The following PRIM2 variants were observed in gnomAD, a reference collection of about 807,000 sequenced individuals.
The protein encoded by PRIM2 is DNA primase subunit 2.
A neutral mutation model predicts 67.3 loss-of-function variants in PRIM2; 39 were observed. The ratio of observed to expected loss-of-function variants is 0.58; its 90% confidence interval spans 0.45 to 0.76. The LOEUF is 0.76. PRIM2 is among the 30% of genes least tolerant of loss of function. The probability of loss-of-function intolerance (pLI) is 0.00; values close to 1 mark genes in which losing one functional copy is unlikely to be tolerated. For missense variants in PRIM2, 398 were observed against 598.7 expected, an observed-to-expected ratio of 0.66 and a Z score of 3.50; for synonymous variants, 143 against 198.7, an observed-to-expected ratio of 0.72 and a Z score of 2.36.
intron 5 of PRIM2, among the ~76,000 whole-genome samples, chr6:57,353,995 A>C (rs1768942719): frequency 6.6e-6 from 1 of 152,196 alleles, no homozygotes; most frequent in Non-Finnish European, 1.5e-5. Context: ...AAAAGTAATT[A>C]GTTAGCTTGG....
chr6:57,587,647 A>G (rs1484227961), intron 10 of PRIM2, among the ~76,000 whole-genome samples: 22 of 133,884 alleles, frequency 1.6e-4, no homozygotes, highest in African/African-American at 5.9e-4. Context: ...CTGGGCAACA[A>G]GAGTGAGACT....
the PRIM2 span, among the ~76,000 whole-genome samples, chr6:57,247,089 C>T: frequency 6.6e-6 from 1 of 152,254 alleles, no homozygotes; most frequent in Admixed American, 6.5e-5. Context: ...CTCCTGACCT[C>T]GTGATCCGCC....
At chr6:57,349,925 T>TA (rs1223250307) in intron 5 of PRIM2, among the ~76,000 whole-genome samples, 1 of 152,188 alleles carries the variant, frequency 6.6e-6, no homozygotes, top group Non-Finnish European at 1.5e-5. Flanking sequence ...AAACCTTCAA[T>TA]ATGACTTACT....
intron 13 of PRIM2, among the ~76,000 whole-genome samples, chr6:57,638,070 GC>G (rs1257753699): frequency 0.033 from 5,024 of 152,278 alleles, 276 homozygotes; most frequent in African/African-American, 0.11. Flanking sequence ...AACCCTACAA[GC>G]CAGAATAGAG....
At chr6:57,274,736 T>C in the PRIM2 span, among the ~76,000 whole-genome samples, 2 of 152,228 alleles carry the variant, frequency 1.3e-5, no homozygotes, top group African/African-American at 4.8e-5. Flanking sequence ...CGCTGGGAGC[T>C]GTAGACTGGA....
intron 8 of PRIM2, among the ~76,000 whole-genome samples, chr6:57,508,250 TGTTGTTGTTGTC>T (rs1774290234): frequency 6.6e-6 from 1 of 152,202 alleles, no homozygotes; most frequent in South Asian, 2.1e-4. Context: ...TCTGTGTTTT[TGTTGTTGTTGTC>T]GTTGTTGTTT....
intron 10 of PRIM2, among the ~76,000 whole-genome samples, chr6:57,549,759 C>A (rs1414043470): frequency 3.3e-5 from 5 of 152,044 alleles, no homozygotes; most frequent in African/African-American, 4.8e-5. Flanking sequence ...TTTGAATGTT[C>A]GTGTTAGTGA....
chr6:57,576,527 AATTCAGTTAC>A (rs1399198096), intron 10 of PRIM2, among the ~76,000 whole-genome samples: 4 of 152,178 alleles, frequency 2.6e-5, no homozygotes, highest in Admixed American at 2.6e-4. Flanking sequence ...TCAATAACTT[AATTCAGTTAC>A]ATTTGGTTAT....
intron 13 of PRIM2, among the ~76,000 whole-genome samples, chr6:57,642,117 AAACT>A (rs1350802293): frequency 6.6e-6 from 1 of 152,212 alleles, no homozygotes; most frequent in Non-Finnish European, 1.5e-5. Flanking sequence ...CATTCTCAGC[AAACT>A]AACACAAGAA....
the PRIM2 span, among the ~76,000 whole-genome samples, chr6:57,285,982 A>T: frequency 6.6e-6 from 1 of 152,224 alleles, no homozygotes; most frequent in Non-Finnish European, 1.5e-5. Flanking sequence ...CAAAGAGCCA[A>T]ATCATGAGTG....
chr6:57,271,430 T>A, the PRIM2 span, among the ~76,000 whole-genome samples: 1 of 152,250 alleles, frequency 6.6e-6, no homozygotes, highest in Non-Finnish European at 1.5e-5. Flanking sequence ...GTGTTTATAG[T>A]ATTCTCTGAT....
the PRIM2 span, among the ~76,000 whole-genome samples, chr6:57,274,392 T>C: frequency 6.6e-6 from 1 of 152,232 alleles, no homozygotes; most frequent in South Asian, 2.1e-4. Flanking sequence ...GTGCTAGCAA[T>C]GAGCAAGACT....
the PRIM2 span, among the ~76,000 whole-genome samples, chr6:57,306,268 A>T: frequency 6.6e-6 from 1 of 152,108 alleles, no homozygotes; most frequent in African/African-American, 2.4e-5. Flanking sequence ...CTCAGCTCCA[A>T]ACTATGGTAC....
intron 10 of PRIM2, among the ~76,000 whole-genome samples, chr6:57,581,978 G>T (rs1341892619): frequency 6.6e-6 from 1 of 152,188 alleles, no homozygotes; most frequent in Non-Finnish European, 1.5e-5. Context: ...GGGACTACAG[G>T]CATGGGGCAA....
In PRIM2 at chr6:57,595,697, G is replaced by C. The variant is rs1351970810; in HGVS notation, c.1021-5396G>C. ...ATAAAGGATGTTTTAAGGGATACAGGTGAACAGCCAAAGAAGTACTCTGGG... is the reference window on the plus strand; with the variant it reads ...ATAAAGGATGTTTTAAGGGATACAGCTGAACAGCCAAAGAAGTACTCTGGG... On this transcript the variant is annotated intron_variant, in intron 10 of 13. Coordinates refer to ENST00000615550, the MANE Select transcript of PRIM2 (RefSeq NM_000947.5). Among the ~76,000 whole-genome samples, 86 of 152,114 alleles carry C rather than the reference G, an allele frequency of 5.7e-4. 1 individual carries two copies. Among genetic ancestry groups the C allele is most frequent in the Non-Finnish European group, 9.8e-4 (67 of 68,022 alleles).
At chr6:57,633,129 T>G (rs1777062440) in intron 13 of PRIM2, among the ~76,000 whole-genome samples, 1 of 152,214 alleles carries the variant, frequency 6.6e-6, no homozygotes, top group African/African-American at 2.4e-5. Flanking sequence ...TTTGCCCTAT[T>G]AGAGGCATTC....
At chr6:57,489,530 C>A (rs1447758653) in intron 7 of PRIM2, among the ~76,000 whole-genome samples, 1 of 151,696 alleles carries the variant, frequency 6.6e-6, no homozygotes, top group Admixed American at 6.6e-5. Context: ...GCACTCCAGC[C>A]TGGGCGACAG....
chr6:57,460,243 G>A lies in PRIM2; in HGVS notation c.694-47144G>A, dbSNP rs994418306. On this transcript the variant is annotated intron_variant, in intron 7 of 13. Transcript: ENST00000615550. ...AGTGGCTTGTTAGATATCAGAGAGT[G>A]TACTGAATTAGAAAAAATGTTCTAA... is the stretch of plus-strand genomic sequence containing the variant. Among the ~76,000 whole-genome samples, 192 of 151,782 alleles carry A rather than the reference G, an allele frequency of 1.3e-3. 5 individuals are homozygous for A. In the East Asian group the frequency reaches 0.016, roughly 13 times the overall value.
At chr6:57,593,177 G>T in intron 10 of PRIM2, among the ~76,000 whole-genome samples, 1 of 152,274 alleles carries the variant, frequency 6.6e-6, no homozygotes, top group East Asian at 1.9e-4. Context: ...AATTTGGAAG[G>T]TTGCAAACTG....
Sources: gnomAD v4.1 joint callset for allele counts (sites outside exome capture counted in the v4.1 genomes callset) on GRCh38, gnomAD v4.1.1 for gene constraint, MANE v1.5 for transcripts, NCBI Gene and HGNC (gene_info 2026-07-23, HGNC 2026-07-21) for gene names.